Variants in SLC4A10 observed in about 807,000 individuals in gnomAD.
SLC4A10 encodes the protein sodium-driven chloride bicarbonate exchanger.
A neutral mutation model predicts 137.7 loss-of-function variants in SLC4A10; 42 were observed. That is an observed-to-expected ratio of 0.30 (90% CI 0.24 to 0.39). The LOEUF (loss-of-function observed/expected upper bound fraction) is 0.39. SLC4A10 is among the 10% of genes least tolerant of loss of function. SLC4A10 has a pLI of 1.00. For synonymous variants in SLC4A10, 474 were observed against 464.1 expected, an observed-to-expected ratio of 1.02 and a Z score of -0.27; for missense variants, 925 against 1,355.0, an observed-to-expected ratio of 0.68 and a Z score of 4.98.
At chr2:161,931,986 A>G (rs72867014) in intron 15 of SLC4A10, among the ~76,000 whole-genome samples, 10,209 of 152,268 alleles carry the variant, frequency 0.067, 449 homozygotes, top group East Asian at 0.13. Context: ...CACTCCTGCA[A>G]GAAATTTGCC....
At position 161,636,592 on chromosome 2, in the gene SLC4A10, A is replaced by C. The variant is rs12470590; in HGVS notation, c.48+12026A>C. Among the ~76,000 whole-genome samples the C allele has an allele frequency of 7.3e-5, 11 of 151,654 alleles. No individual in the cohort carries two copies. In the South Asian group the frequency reaches 1.7e-3, roughly 23 times the overall value. On this transcript the variant is annotated intron_variant, in intron 1 of 26. Coordinates refer to ENST00000446997, the MANE Select transcript of SLC4A10 (RefSeq NM_001178015.2). ...TTTTTGTATTTTGAGTAGAGATGGG[A>C]TCTCACCATGTTGGCCAGGCTGGTC...
intron 1 of SLC4A10, among the ~76,000 whole-genome samples, chr2:161,696,377 C>G: frequency 6.7e-6 from 1 of 149,866 alleles, no homozygotes; most frequent in Non-Finnish European, 1.5e-5. Context: ...CATATGTATA[C>G]ATGTGCCATG....
rs1441303641 is a variant in SLC4A10 at position 161,977,772 on chromosome 2, T to A, written c.*26+12T>A. 1.3e-6 allele frequency: 2 copies of A among 1,577,436 alleles called. No individual in the cohort carries two copies. Among genetic ancestry groups the A allele is most frequent in the African/African-American group, 2.8e-5 (2 of 72,704 alleles). On this transcript the variant is annotated intron_variant, in intron 26 of 26. Transcript: ENST00000446997. ...CTGATTCCCCAAAGGTAAGACCCTC[T>A]CCCTCAAATCTATTCCTTGGTTGCA...
At chr2:161,698,394 AG>A (rs1367594983) in intron 1 of SLC4A10, among the ~76,000 whole-genome samples, 1 of 152,172 alleles carries the variant, frequency 6.6e-6, no homozygotes, top group Non-Finnish European at 1.5e-5. Context: ...CAGTTTTCAA[AG>A]GGAATGCTTC....
intron 1 of SLC4A10, among the ~76,000 whole-genome samples, chr2:161,704,201 A>G (rs2043409977): frequency 1.3e-5 from 2 of 151,810 alleles, no homozygotes; most frequent in South Asian, 4.1e-4. Flanking sequence ...ATTTTTTTCC[A>G]GTTTTTTCAT....
intron 16 of SLC4A10, among the ~76,000 whole-genome samples, chr2:161,945,185 TA>T (rs1308472075): frequency 7.2e-4 from 1 of 1,390 alleles, no homozygotes; most frequent in East Asian, 3.3e-3. Context: ...TTTGTGTGTA[TA>T]TATATATATA....
intron 23 of SLC4A10, among the ~76,000 whole-genome samples, chr2:161,969,602 G>A (rs527400219): frequency 4.6e-5 from 7 of 152,200 alleles, no homozygotes; most frequent in East Asian, 1.9e-4. Flanking sequence ...GGAGGAAAGG[G>A]GGTTAGTGTT....
In SLC4A10 at chr2:161,685,900, G is replaced by A. The variant is rs568483503; in HGVS notation, c.48+61334G>A. On this transcript the variant is annotated intron_variant, in intron 1 of 26. Transcript: ENST00000446997. ...TCTACTGGAGATTTTGTACTATAAA[G>A]GTTTGCAATATTAAGAAAGACACGG... Among the ~76,000 whole-genome samples the A allele has an allele frequency of 1.8e-3, 272 of 152,224 alleles. 1 individual carries two copies. The highest frequency in any genetic ancestry group is 6.2e-3 in the African/African-American group (259 of 41,542).
chr2:161,800,263 A>T (rs750627135), intron 2 of SLC4A10, among the ~76,000 whole-genome samples: 8 of 152,082 alleles, frequency 5.3e-5, no homozygotes, highest in Non-Finnish European at 1.0e-4. Flanking sequence ...GTTGCTAAAA[A>T]ATTGTGGCTA....
At chr2:161,822,907 G>A (rs2057740704) in intron 3 of SLC4A10, among the ~76,000 whole-genome samples, 1 of 152,116 alleles carries the variant, frequency 6.6e-6, no homozygotes, top group Admixed American at 6.5e-5. Context: ...CCCAAGAGGT[G>A]GAGGCTGCAG....
chr2:161,823,937 T>C (rs2057832862), intron 3 of SLC4A10, among the ~76,000 whole-genome samples: 1 of 152,198 alleles, frequency 6.6e-6, no homozygotes, highest in Non-Finnish European at 1.5e-5. Context: ...CTACTAACCC[T>C]AGATCCTTGA....
At chr2:161,854,578 C>T (rs2059998966) in intron 4 of SLC4A10, among the ~76,000 whole-genome samples, 1 of 152,128 alleles carries the variant, frequency 6.6e-6, no homozygotes, top group African/African-American at 2.4e-5. Flanking sequence ...TTTAAGACCT[C>T]CCACTAAGGA....
chr2:161,832,703 A>G (rs1031709787), intron 3 of SLC4A10, among the ~76,000 whole-genome samples: 7 of 151,912 alleles, frequency 4.6e-5, no homozygotes, highest in African/African-American at 1.4e-4. Flanking sequence ...AGAGAGGAAC[A>G]AGTTTGCATT....
chr2:161,701,903 A>G (rs1421797859), intron 1 of SLC4A10, among the ~76,000 whole-genome samples: 1 of 151,930 alleles, frequency 6.6e-6, no homozygotes, highest in Non-Finnish European at 1.5e-5. Context: ...ACAAAAAATA[A>G]CGGACACTGG....
intron 1 of SLC4A10, among the ~76,000 whole-genome samples, chr2:161,697,274 T>G (rs2042619679): frequency 6.6e-6 from 1 of 152,204 alleles, no homozygotes; most frequent in Admixed American, 6.5e-5. Flanking sequence ...ACTCTGTTGG[T>G]AGTTTCTTTT....
chr2:161,724,818 T>A (rs1211037972), intron 1 of SLC4A10, among the ~76,000 whole-genome samples: 1 of 152,182 alleles, frequency 6.6e-6, no homozygotes, highest in Non-Finnish European at 1.5e-5. Flanking sequence ...TTTTGAAACA[T>A]TCCCACATCA....
intron 1 of SLC4A10, among the ~76,000 whole-genome samples, chr2:161,653,976 C>T (rs554825746): frequency 2.0e-5 from 3 of 152,236 alleles, no homozygotes; most frequent in South Asian, 4.1e-4. Context: ...ATACTTTTTT[C>T]CATGACTACT....
intron 11 of SLC4A10, among the ~76,000 whole-genome samples, chr2:161,895,666 A>G (rs575749587): frequency 4.9e-4 from 74 of 152,320 alleles, no homozygotes; most frequent in African/African-American, 1.7e-3. Flanking sequence ...ATGACCAGTG[A>G]TGATGAGCAT....
intron 4 of SLC4A10, among the ~76,000 whole-genome samples, chr2:161,851,186 T>C (rs2059811004): frequency 6.6e-6 from 1 of 152,166 alleles, no homozygotes. Context: ...GTATATTCTG[T>C]TTTTGTTGGG....
Sources: allele counts gnomAD v4.1 joint callset (sites outside exome capture counted in the v4.1 genomes callset), GRCh38; gene constraint gnomAD v4.1.1; transcripts MANE v1.5; gene names NCBI Gene and HGNC (gene_info 2026-07-23, HGNC 2026-07-21).